Variants in MEP1A observed in about 807,000 individuals in gnomAD.
MEP1A encodes N-benzoyl-L-tyrosyl-P-amino-benzoic acid hydrolase subunit alpha.
A neutral mutation model predicts 84.5 loss-of-function variants in MEP1A; 68 were observed. That is an observed-to-expected ratio of 0.80 (90% CI 0.66 to 0.98). The LOEUF (loss-of-function observed/expected upper bound fraction) is 0.98. MEP1A is among the 50% of genes least tolerant of loss of function. The probability of loss-of-function intolerance (pLI) is 0.00; values close to 1 mark genes in which losing one functional copy is unlikely to be tolerated. For missense variants in MEP1A, 887 were observed against 919.9 expected (o/e 0.96, Z 0.46); for synonymous variants, 337 against 336.8 (o/e 1.00, Z -0.01).
chr6:46,826,456 G>C lies in MEP1A; in HGVS notation c.881G>C (p.Ser294Thr), dbSNP rs1320200907. Residue 294 changes from serine to threonine, a missense_variant, in exon 9 of 14, where the codon AGT becomes ACT. Ser to Thr is a moderately conservative substitution (Grantham distance 58). Coordinates refer to ENST00000230588, the MANE Select transcript of MEP1A (RefSeq NM_005588.3). ...RDDTDWAHQD[S>T]AQAGEVDHTL... ...GACACTGACTGGGCCCATCAGGACA[G>C]TGCTCAGGCTGGAGAAGTGGATCAC... is the stretch of plus-strand genomic sequence containing the variant. The C allele has an allele frequency of 2.5e-6, 4 of 1,604,278 alleles. No homozygotes were observed. Among genetic ancestry groups the C allele is most frequent in the Non-Finnish European group, 3.4e-6 (4 of 1,175,236 alleles).
At chr6:46,813,620 T>C (rs1251173666) in intron 6 of MEP1A, among the ~76,000 whole-genome samples, 1 of 152,154 alleles carries the variant, frequency 6.6e-6, no homozygotes, top group African/African-American at 2.4e-5. Flanking sequence ...TTGGTTTTTT[T>C]TCACTGTGTT....
chr6:46,813,393 T>C (rs1218147538), intron 6 of MEP1A, among the ~76,000 whole-genome samples: 1 of 152,136 alleles, frequency 6.6e-6, no homozygotes, highest in East Asian at 1.9e-4. Flanking sequence ...AAAGTGGTGC[T>C]AAGAGGAAAG....
At chr6:46,813,222 T>C (rs969808127) in intron 6 of MEP1A, among the ~76,000 whole-genome samples, 1 of 151,684 alleles carries the variant, frequency 6.6e-6, no homozygotes, top group African/African-American at 2.4e-5. Context: ...TTATGTGTTA[T>C]GTGAGGCCTC....
downstream of MEP1A, among the ~76,000 whole-genome samples, chr6:46,843,056 G>T (rs1768361411): frequency 2.0e-5 from 3 of 152,202 alleles, no homozygotes. Context: ...GACACATACA[G>T]TCAAATAATC....
intron 5 of MEP1A, among the ~76,000 whole-genome samples, chr6:46,803,538 T>C (rs1274938257): frequency 1.3e-5 from 2 of 151,560 alleles, no homozygotes; most frequent in African/African-American, 4.8e-5. Context: ...AGAATTGACT[T>C]TTGATTTGTT....
intron 3 of MEP1A, among the ~76,000 whole-genome samples, chr6:46,798,067 A>G (rs1767106689): frequency 2.0e-5 from 3 of 151,748 alleles, no homozygotes; most frequent in South Asian, 4.2e-4. Context: ...TCCTGGGTTC[A>G]AGCAATTCTC....
At chr6:46,840,383 G>A (rs1421395125), downstream of MEP1A, among the ~76,000 whole-genome samples, 4 of 152,126 alleles carry the variant, frequency 2.6e-5, no homozygotes, top group South Asian at 8.3e-4. Context: ...TAGATCTAGG[G>A]TGGGATCTAA....
intron 6 of MEP1A, among the ~76,000 whole-genome samples, chr6:46,817,214 G>C (rs1421957489): frequency 1.3e-5 from 2 of 152,138 alleles, no homozygotes; most frequent in Non-Finnish European, 2.9e-5. Flanking sequence ...AAGGAGAGGA[G>C]TCAAAAGTAT....
intron 13 of MEP1A, among the ~76,000 whole-genome samples, chr6:46,836,577 C>T (rs571664025): frequency 1.3e-5 from 2 of 152,282 alleles, no homozygotes; most frequent in African/African-American, 2.4e-5. Flanking sequence ...AAGAAATGAA[C>T]ATTGGTACAA....
intron 7 of MEP1A, among the ~76,000 whole-genome samples, chr6:46,822,291 G>A (rs1285361594): frequency 6.6e-6 from 1 of 152,076 alleles, no homozygotes; most frequent in African/African-American, 2.4e-5. Flanking sequence ...TCTAGAACAG[G>A]TTTGCTGACT....
Position 46,799,160 on chromosome 6 carries a change from T to C in MEP1A, c.241T>C (p.Tyr81His). Residue 81 changes from tyrosine to histidine, a missense_variant, in exon 5 of 14, where the codon TAC (tyrosine) becomes CAC (histidine). By Grantham distance (83) the Tyr-to-His change is moderately conservative. Coordinates refer to ENST00000230588, the MANE Select transcript of MEP1A (RefSeq NM_005588.3). ...PNTRWTFPIP[Y>H]ILADNLGLNA... Reference sequence around the variant, plus strand: ...CACCAGGTGGACGTTCCCCATTCCTTACATCTTGGCTGATAATTTGGGTAA... The same window carrying C: ...CACCAGGTGGACGTTCCCCATTCCTCACATCTTGGCTGATAATTTGGGTAA... 6.2e-7 allele frequency: 1 copy of C among 1,611,264 alleles called. No individual in the cohort carries two copies.
At chr6:46,807,570 AAGGAAGGAAGGAAGGAAGGAAGG>A (rs1562106683) in intron 5 of MEP1A, among the ~76,000 whole-genome samples, 1 of 49,624 alleles carries the variant, frequency 2.0e-5, no homozygotes, top group African/African-American at 1.0e-4. Context: ...GAAAGAAAGG[AAGGAAGGAAGGAAGGAAGGAAGG>A]AAGGAAGGAA....
chr6:46,835,681 T>C lies in MEP1A; in HGVS notation c.2084+132T>C, dbSNP rs1019263986. On this transcript the variant is annotated intron_variant, in intron 13 of 13. Transcript: ENST00000230588. ...GATGGTCAACTGAATGCGGTTTTCT[T>C]TGACTCTACAAAGGTGTGCCCTGGA... is the stretch of plus-strand genomic sequence containing the variant. 10 of 980,030 alleles carry C rather than the reference T, an allele frequency of 1.0e-5. No homozygotes were observed. The East Asian group carries it at 2.6e-4, about 26-fold the overall frequency. The allele number at this position is 980,030 out of a possible 1,614,324, so 60.7% of individuals were successfully genotyped here.
chr6:46,807,711 A>C (rs1767376933), intron 5 of MEP1A, among the ~76,000 whole-genome samples: 1 of 147,396 alleles, frequency 6.8e-6, no homozygotes. Context: ...GGAAAAAACA[A>C]GAAGAAGAAG....
chr6:46,823,269 T>A (rs1767824077), intron 7 of MEP1A, among the ~76,000 whole-genome samples: 1 of 152,204 alleles, frequency 6.6e-6, no homozygotes, highest in African/African-American at 2.4e-5. Context: ...CAGTCCTGCA[T>A]ATAGCTCTGT....
intron 6 of MEP1A, among the ~76,000 whole-genome samples, chr6:46,817,717 ACTT>A (rs1316916124): frequency 1.1e-4 from 16 of 152,164 alleles, no homozygotes; most frequent in Admixed American, 9.8e-4. Context: ...AGTTCTCCCA[ACTT>A]CTTTTTTTGT....
intron 10 of MEP1A, among the ~76,000 whole-genome samples, chr6:46,829,903 A>C (rs977851441): frequency 6.6e-6 from 1 of 152,116 alleles, no homozygotes; most frequent in African/African-American, 2.4e-5. Flanking sequence ...TGGATGGTTC[A>C]GGAGTGGAGA....
At chr6:46,835,018 A>G (rs1339418776) in intron 12 of MEP1A, among the ~76,000 whole-genome samples, 1 of 152,192 alleles carries the variant, frequency 6.6e-6, no homozygotes, top group African/African-American at 2.4e-5. Context: ...CAGCCTATCC[A>G]TGCTAATTTT....
intron 9 of MEP1A, among the ~76,000 whole-genome samples, chr6:46,828,310 G>C (rs77577378): frequency 0.015 from 2,211 of 150,196 alleles, 56 homozygotes; most frequent in Non-Finnish European, 0.014. Flanking sequence ...TTCAAATATT[G>C]AGAAGAAGAT....
Sources: gnomAD v4.1 joint callset for allele counts (sites outside exome capture counted in the v4.1 genomes callset) on GRCh38, gnomAD v4.1.1 for gene constraint, MANE v1.5 for transcripts, NCBI Gene and HGNC (gene_info 2026-07-23, HGNC 2026-07-21) for gene names.